The following TENM3 variants were observed in gnomAD, a reference collection of about 807,000 sequenced individuals.
The protein encoded by TENM3 is teneurin-3.
Under a neutral mutation model 255.1 loss-of-function variants are expected in TENM3, and 63 were observed. The ratio of observed to expected loss-of-function variants is 0.25; its 90% CI spans 0.20 to 0.30. TENM3 has a LOEUF of 0.30. Ranked by LOEUF, TENM3 falls within the 10% of genes least tolerant of loss-of-function variation. The probability of loss-of-function intolerance (pLI) is 1.00; values close to 1 mark genes in which losing one functional copy is unlikely to be tolerated. For synonymous variants in TENM3, 1,306 were observed against 1,322.3 expected, an observed-to-expected ratio of 0.99 and a Z score of 0.27; for missense variants, 2,929 against 3,461.1, an observed-to-expected ratio of 0.85 and a Z score of 3.86.
chr4:182,243,636 G>A (rs1757429520), intron 1 of TENM3, among the ~76,000 whole-genome samples, 160 bp downstream of exon 1: 1 of 151,608 alleles, frequency 6.6e-6, no homozygotes, highest in Admixed American at 6.6e-5. Flanking sequence ...AGTTGAAGAT[G>A]GAGAGGGCAA....
At chr4:182,409,316 C>T (rs960657198) in intron 3 of TENM3, among the ~76,000 whole-genome samples, 2 of 152,192 alleles carry the variant, frequency 1.3e-5, no homozygotes, top group South Asian at 4.1e-4. Context: ...ATGAGAAATG[C>T]AATACTTCTG....
At chr4:182,053,214 A>G in the TENM3 span, among the ~76,000 whole-genome samples, 107,144 of 152,018 alleles carry the variant, frequency 0.7, 40,826 homozygotes, top group East Asian at 0.9. Context: ...AATGGTTCAC[A>G]CTGTATAGGA....
intron 4 of TENM3, among the ~76,000 whole-genome samples, chr4:182,609,062 T>C (rs1748724781): frequency 1.3e-5 from 2 of 152,134 alleles, no homozygotes; most frequent in South Asian, 4.1e-4. Flanking sequence ...GTGGCAACTC[T>C]TGGGGATGGG....
At chr4:182,621,991 A>G (rs894927785) in intron 4 of TENM3, among the ~76,000 whole-genome samples, 7 of 150,590 alleles carry the variant, frequency 4.6e-5, no homozygotes, top group South Asian at 2.1e-4. Context: ...AAAATATACA[A>G]TCACAAAGAT....
chr4:181,823,179 C>T, the TENM3 span, among the ~76,000 whole-genome samples: 1 of 152,170 alleles, frequency 6.6e-6, no homozygotes, highest in African/African-American at 2.4e-5. Flanking sequence ...TTGAATGAGA[C>T]TTTTTGGTAA....
the TENM3 span, among the ~76,000 whole-genome samples, chr4:181,520,157 T>G: frequency 1.3e-5 from 2 of 152,164 alleles, no homozygotes; most frequent in Admixed American, 6.5e-5. Context: ...CTTAGAGAGA[T>G]AAACTCTGAG....
the TENM3 span, among the ~76,000 whole-genome samples, chr4:181,954,934 C>T: frequency 2.6e-5 from 4 of 152,180 alleles, no homozygotes; most frequent in African/African-American, 9.7e-5. Context: ...TACACTTATA[C>T]ACATGCAGTT....
In TENM3 at chr4:182,199,720, C is replaced by CTTTTTTTT. The variant is rs367906246; in HGVS notation, c.-76+54982_-76+54989dup. On this transcript the variant is annotated intron_variant, in intron 1 of 2. Coordinates refer to the TENM3 transcript ENST00000512480. ...TAGATGGCTTTGTGGAACATCATTG[C>CTTTTTTTT]TTTTTTTTTTTTTTTTTTTTTTTGA... Among the ~76,000 whole-genome samples, 44 of 104,850 alleles carry CTTTTTTTT rather than the reference C, an allele frequency of 4.2e-4. 2 individuals carry two copies. Among genetic ancestry groups the CTTTTTTTT allele is most frequent in the African/African-American group, 1.3e-3 (36 of 26,668 alleles). The allele number at this position is 104,850 out of a possible 152,430, so 68.8% of individuals were successfully genotyped here.
At chr4:181,863,618 A>C in the TENM3 span, among the ~76,000 whole-genome samples, 3 of 152,270 alleles carry the variant, frequency 2.0e-5, no homozygotes, top group Admixed American at 2.0e-4. Context: ...TTGGGTACCC[A>C]GTTCCCTTAA....
At chr4:182,525,131 A>G (rs1267462797) in intron 3 of TENM3, among the ~76,000 whole-genome samples, 1 of 152,192 alleles carries the variant, frequency 6.6e-6, no homozygotes, top group African/African-American at 2.4e-5. Context: ...GGTGGGCCCT[A>G]GTGTCCTTGA....
chr4:181,465,088 A>G, the TENM3 span, among the ~76,000 whole-genome samples: 1 of 152,128 alleles, frequency 6.6e-6, no homozygotes, highest in Non-Finnish European at 1.5e-5. Context: ...TTATAGTTTT[A>G]ACCTTTAAAT....
At chr4:182,658,260 C>A (rs1045847795) in intron 6 of TENM3, among the ~76,000 whole-genome samples, 2 of 152,196 alleles carry the variant, frequency 1.3e-5, no homozygotes, top group African/African-American at 4.8e-5. Flanking sequence ...TTCACTTTGA[C>A]TTTCTCCCTG....
At chr4:182,466,165 G>GTTA (rs1732566170) in intron 3 of TENM3, among the ~76,000 whole-genome samples, 2 of 152,274 alleles carry the variant, frequency 1.3e-5, no homozygotes, top group South Asian at 4.1e-4. Flanking sequence ...GCATTTAAGG[G>GTTA]TATGATTGTT....
the TENM3 span, among the ~76,000 whole-genome samples, chr4:182,083,778 G>A: frequency 3.9e-5 from 6 of 151,996 alleles, no homozygotes; most frequent in Non-Finnish European, 7.4e-5. Context: ...CATATACGTG[G>A]CACTCGTCTC....
At chr4:181,661,452 C>T in the TENM3 span, among the ~76,000 whole-genome samples, 13 of 152,230 alleles carry the variant, frequency 8.5e-5, no homozygotes, top group African/African-American at 3.1e-4. Context: ...GCACAAAACA[C>T]CCTGTTTCCC....
At chr4:182,241,213 C>G (rs931331309), upstream of TENM3, among the ~76,000 whole-genome samples, 2 of 152,210 alleles carry the variant, frequency 1.3e-5, no homozygotes, top group African/African-American at 4.8e-5. Context: ...CTTCTGGGCA[C>G]TTAATAAATG....
intron 4 of TENM3, among the ~76,000 whole-genome samples, chr4:182,605,501 A>G (rs938511407): frequency 2.7e-5 from 4 of 150,782 alleles, no homozygotes; most frequent in Admixed American, 6.6e-5. Flanking sequence ...AAAAAAAAAA[A>G]GGGAAAGTCA....
chr4:181,695,649 A>G, the TENM3 span, among the ~76,000 whole-genome samples: 46 of 152,286 alleles, frequency 3.0e-4, no homozygotes, highest in African/African-American at 1.0e-3. Flanking sequence ...TTGTGTTCAT[A>G]TCTTCTCCTA....
chr4:182,214,081 T>C (rs577270732), intron 1 of TENM3, among the ~76,000 whole-genome samples: 57 of 152,256 alleles, frequency 3.7e-4, no homozygotes, highest in Admixed American at 1.0e-3. Context: ...GGATTACAGG[T>C]GTGAACCACC....
Sources: gnomAD v4.1 joint callset for allele counts (sites outside exome capture counted in the v4.1 genomes callset) on GRCh38, gnomAD v4.1.1 for gene constraint, MANE v1.5 for transcripts, NCBI Gene and HGNC (gene_info 2026-07-23, HGNC 2026-07-21) for gene names.